The following LAMA1 variants were observed in gnomAD, a reference collection of about 807,000 sequenced individuals.
LAMA1 encodes the protein laminin subunit alpha-1.
A neutral mutation model predicts 348.7 loss-of-function variants in LAMA1; 219 were observed. That is an observed-to-expected ratio of 0.63 (90% CI 0.56 to 0.70). The LOEUF is 0.70. LAMA1 is among the 30% of genes least tolerant of loss of function. The probability of loss-of-function intolerance (pLI) is 0.00; values close to 1 mark genes in which losing one functional copy is unlikely to be tolerated. For missense variants in LAMA1, 3,744 were observed against 3,888.0 expected, an observed-to-expected ratio of 0.96 and a Z score of 0.99; for synonymous variants, 1,487 against 1,491.0, an observed-to-expected ratio of 1.00 and a Z score of 0.06.
chr18:7,033,684 C>A (rs971720034), intron 14 of LAMA1, among the ~76,000 whole-genome samples: 38 of 151,958 alleles, frequency 2.5e-4, no homozygotes, highest in African/African-American at 8.9e-4. Context: ...TCAATTATCA[C>A]AAATAGAAAG....
chr18:6,959,925 A>G (rs895281968), intron 53 of LAMA1: 3 of 252,982 alleles, frequency 1.2e-5, no homozygotes, highest in Non-Finnish European at 2.3e-5. Flanking sequence ...GGATGTGAAA[A>G]TGTTTAAAGC....
At chr18:6,978,140 G>T (rs1279632631) in intron 43 of LAMA1, 56 bp downstream of exon 43, 29 of 1,601,966 alleles carry the variant, frequency 1.8e-5, no homozygotes, top group Non-Finnish European at 2.2e-5. Context: ...TGCTTAGCTA[G>T]CTCCACGTCT....
At chr18:6,944,429 G>C (rs932788387) in intron 61 of LAMA1, among the ~76,000 whole-genome samples, 11 of 152,316 alleles carry the variant, frequency 7.2e-5, no homozygotes, top group African/African-American at 2.6e-4. Context: ...AAGGATAGGA[G>C]GTGTTATGGG....
intron 33 of LAMA1, among the ~76,000 whole-genome samples, chr18:6,997,220 C>T (rs184013504): frequency 8.7e-4 from 133 of 152,218 alleles, no homozygotes; most frequent in Middle Eastern, 3.4e-3. Context: ...CGCGCCACCA[C>T]ATCCAGCTAA....
intron 1 of LAMA1, among the ~76,000 whole-genome samples, chr18:7,109,572 T>A (rs4798533): frequency 0.59 from 89,999 of 151,836 alleles, 26,872 homozygotes; most frequent in East Asian, 0.73. Flanking sequence ...ATGAGTGGTC[T>A]GGTTAGGTTT....
chr18:7,011,856 TA>T, intron 24 of LAMA1, 138 bp downstream of exon 24: 2 of 1,030,416 alleles, frequency 1.9e-6, no homozygotes, highest in Non-Finnish European at 2.8e-6. Flanking sequence ...ATTCCTGTTC[TA>T]ACCCAAATTA....
chr18:7,025,876 C>T lies in LAMA1; in HGVS notation c.2402+103G>A. On this transcript the variant is annotated intron_variant, in intron 17 of 62. Coordinates refer to ENST00000389658, the MANE Select transcript of LAMA1 (RefSeq NM_005559.4). ...ATCAATTGTCACTGGGCAAAATTCA[C>T]ACACGTATTACACACACAGTCTTGC... is the stretch of plus-strand genomic sequence containing the variant. 4.7e-6 allele frequency: 7 copies of T among 1,481,900 alleles called. 1 individual carries two copies. Among genetic ancestry groups the T allele is most frequent in the Non-Finnish European group, 6.4e-6 (7 of 1,085,420 alleles). The allele number at this position is 1,481,900 out of a possible 1,614,324, so 91.8% of individuals were successfully genotyped here.
chr18:7,067,431 T>G (rs1244001854), intron 3 of LAMA1, among the ~76,000 whole-genome samples: 1 of 150,152 alleles, frequency 6.7e-6, no homozygotes, highest in African/African-American at 2.5e-5. Context: ...GTGATTCCAT[T>G]AATAAGAAGT....
chr18:7,094,312 T>TA (rs1486850231), intron 1 of LAMA1, among the ~76,000 whole-genome samples: 2 of 150,884 alleles, frequency 1.3e-5, no homozygotes, highest in African/African-American at 4.9e-5. Context: ...TAGTCCCAGC[T>TA]ACTCGGGAGG....
chr18:7,000,855 C>T (rs1468984420), intron 30 of LAMA1, among the ~76,000 whole-genome samples: 1 of 152,160 alleles, frequency 6.6e-6, no homozygotes, highest in Admixed American at 6.5e-5. Context: ...AAGGGATAGA[C>T]TTCAGTGGAA....
intron 46 of LAMA1, 69 bp from the exon 47 acceptor site, chr18:6,973,276 C>T (rs977436137): frequency 8.4e-6 from 12 of 1,425,120 alleles, no homozygotes; most frequent in African/African-American, 1.4e-5. Context: ...AATCCCGTTT[C>T]CTTCACACCC....
At chr18:6,953,786 G>A (rs2057561337) in intron 57 of LAMA1, 2 of 152,318 alleles carry the variant, frequency 1.3e-5, no homozygotes, top group South Asian at 2.1e-4. Context: ...TGCTCTTGCT[G>A]TCACTGCTGA....
intron 1 of LAMA1, among the ~76,000 whole-genome samples, chr18:7,103,336 C>T (rs534550263): frequency 1.6e-3 from 235 of 151,556 alleles, no homozygotes; most frequent in African/African-American, 5.2e-3. Flanking sequence ...ACCCAGGAGG[C>T]GGAGCTTGCA....
chr18:7,061,124 C>T (rs902712020), intron 3 of LAMA1, among the ~76,000 whole-genome samples: 3 of 152,206 alleles, frequency 2.0e-5, no homozygotes, highest in African/African-American at 7.2e-5. Context: ...TGCCACTGCA[C>T]TCCAGCCTGG....
At chr18:7,099,057 C>T (rs5755220) in intron 1 of LAMA1, among the ~76,000 whole-genome samples, 45 of 151,590 alleles carry the variant, frequency 3.0e-4, no homozygotes, top group Non-Finnish European at 2.2e-4. Context: ...ATTGAGAAAT[C>T]GGATGGTTGC....
chr18:6,969,340 C>A (rs1473168958), intron 48 of LAMA1, among the ~76,000 whole-genome samples: 1 of 152,114 alleles, frequency 6.6e-6, no homozygotes, highest in Non-Finnish European at 1.5e-5. Context: ...CCAGAGGTAC[C>A]TTTTCAGAAA....
At chr18:7,027,690 C>T (rs190048080) in intron 16 of LAMA1, among the ~76,000 whole-genome samples, 152 of 152,226 alleles carry the variant, frequency 1.0e-3, no homozygotes, top group African/African-American at 3.5e-3. Context: ...CGCCTGTAAT[C>T]CCAGCACTTT....
At chr18:7,037,035 G>C (rs2057998377) in intron 12 of LAMA1, among the ~76,000 whole-genome samples, 2 of 152,222 alleles carry the variant, frequency 1.3e-5, no homozygotes. Flanking sequence ...CCACATTGCA[G>C]AATCACCAGT....
intron 1 of LAMA1, among the ~76,000 whole-genome samples, chr18:7,081,184 G>A (rs1157765738): frequency 1.3e-5 from 2 of 152,014 alleles, no homozygotes; most frequent in Non-Finnish European, 2.9e-5. Flanking sequence ...AAACCAAGGC[G>A]AGAGTATGGG....
Sources: allele counts gnomAD v4.1 joint callset (sites outside exome capture counted in the v4.1 genomes callset), GRCh38; gene constraint gnomAD v4.1.1; transcripts MANE v1.5; gene names NCBI Gene and HGNC (gene_info 2026-07-23, HGNC 2026-07-21).